DLGAP1: variants seen among roughly 807,000 people sequenced by gnomAD.
The protein encoded by DLGAP1 is disks large-associated protein 1.
In DLGAP1, 11 loss-of-function variants were observed where a neutral mutation model predicts 90.8. That is an observed-to-expected ratio of 0.12 (90% CI 0.08 to 0.20). DLGAP1 has a LOEUF of 0.20. Among genes scored for constraint, DLGAP1 ranks in the 10% least tolerant of loss-of-function variants. The pLI is 1.00. For missense variants in DLGAP1, 1,050 were observed against 1,333.8 expected (o/e 0.79, Z 3.31); for synonymous variants, 558 against 540.7 (o/e 1.03, Z -0.44).
chr18:4,053,392 A>G (rs1012198934), intron 2 of DLGAP1, among the ~76,000 whole-genome samples: 3 of 152,194 alleles, frequency 2.0e-5, no homozygotes, highest in African/African-American at 7.2e-5. Context: ...CACTATCACA[A>G]GAACAGATTG....
intron 2 of DLGAP1, among the ~76,000 whole-genome samples, chr18:4,037,291 T>A (rs1265271074): frequency 6.6e-6 from 1 of 152,166 alleles, no homozygotes; most frequent in Non-Finnish European, 1.5e-5. Context: ...GATAGATGGA[T>A]ATGGAGTCTA....
chr18:3,556,525 T>C (rs2053760846), intron 9 of DLGAP1, among the ~76,000 whole-genome samples: 1 of 152,188 alleles, frequency 6.6e-6, no homozygotes, highest in Admixed American at 6.5e-5. Flanking sequence ...ATTTTTCAGA[T>C]TGGCTTGTTT....
chr18:3,611,029 G>T (rs1206596852), intron 7 of DLGAP1, among the ~76,000 whole-genome samples: 1 of 151,964 alleles, frequency 6.6e-6, no homozygotes, highest in Non-Finnish European at 1.5e-5. Flanking sequence ...GTTACTCAGA[G>T]GCTGAGGCGG....
At chr18:3,850,502 C>T (rs1277235176) in intron 4 of DLGAP1, among the ~76,000 whole-genome samples, 1 of 152,032 alleles carries the variant, frequency 6.6e-6, no homozygotes, top group South Asian at 2.1e-4. Context: ...GAGGACACAC[C>T]TAAAAATATT....
At chr18:3,704,349 T>C (rs1217153903) in intron 7 of DLGAP1, among the ~76,000 whole-genome samples, 1 of 152,146 alleles carries the variant, frequency 6.6e-6, no homozygotes, top group African/African-American at 2.4e-5. Flanking sequence ...GGCAGGTGGA[T>C]TACTTGAGGT....
intron 7 of DLGAP1, among the ~76,000 whole-genome samples, chr18:3,704,197 T>C (rs1009847643): frequency 4.3e-4 from 65 of 152,112 alleles, no homozygotes; most frequent in Admixed American, 1.4e-3. Flanking sequence ...ACCCCAGAGG[T>C]TGGCAAGAAT....
At chr18:4,187,193 G>A (rs1387192885) in intron 1 of DLGAP1, among the ~76,000 whole-genome samples, 4 of 152,068 alleles carry the variant, frequency 2.6e-5, no homozygotes, top group African/African-American at 4.8e-5. Flanking sequence ...CCATTTCATC[G>A]GCAAACAGAG....
At chr18:4,255,416 CTCTA>C (rs1393044498) in intron 1 of DLGAP1, among the ~76,000 whole-genome samples, 2 of 151,704 alleles carry the variant, frequency 1.3e-5, no homozygotes, top group Non-Finnish European at 2.9e-5. Context: ...CTGACTCTCT[CTCTA>C]TGTTACTCTC....
At chr18:4,379,314 C>G (rs1598317636) in intron 1 of DLGAP1, among the ~76,000 whole-genome samples, 1 of 152,082 alleles carries the variant, frequency 6.6e-6, no homozygotes, top group Non-Finnish European at 1.5e-5. Flanking sequence ...TAGCTCTACT[C>G]CCAAGAAAAC....
intron 1 of DLGAP1, among the ~76,000 whole-genome samples, chr18:4,414,799 G>A (rs995264043): frequency 6.6e-6 from 1 of 151,658 alleles, no homozygotes; most frequent in African/African-American, 2.4e-5. Context: ...GTGAGAATAG[G>A]TGGCACCTTC....
chr18:3,870,620 C>CTATT (rs2070690598), intron 4 of DLGAP1, among the ~76,000 whole-genome samples: 1 of 119,784 alleles, frequency 8.3e-6, no homozygotes, highest in Non-Finnish European at 2.1e-5. Flanking sequence ...ATCTATCTAT[C>CTATT]TATCTATCTA....
chr18:3,772,336 CT>C (rs2064644930), intron 5 of DLGAP1, among the ~76,000 whole-genome samples: 1 of 41,102 alleles, frequency 2.4e-5, no homozygotes, highest in East Asian at 4.4e-4. Flanking sequence ...CTCTCCTTCT[CT>C]CTCTCTCTCT....
Position 3,587,203 on chromosome 18 carries a change from C to T in DLGAP1, c.1592-4955G>A, listed in dbSNP as rs568883120. Among the ~76,000 whole-genome samples the T allele has an allele frequency of 3.3e-5, 5 of 152,060 alleles. 1 individual carries two copies. Among genetic ancestry groups the T allele is most frequent in the Non-Finnish European group, 7.4e-5 (5 of 67,962 alleles). On this transcript the variant is annotated intron_variant, in intron 7 of 12. Transcript: ENST00000315677. ...TGGAGTAGGTGGGATTACAGGCCTG[C>T]GCCACCATGCCTGGCTAATTTTTGT...
chr18:4,065,064 C>T (rs2075352265), intron 2 of DLGAP1, among the ~76,000 whole-genome samples: 1 of 152,020 alleles, frequency 6.6e-6, no homozygotes, highest in African/African-American at 2.4e-5. Context: ...ATAAACAGAA[C>T]TAAAGACAAA....
At chr18:4,428,708 G>T (rs1005291831) in intron 1 of DLGAP1, among the ~76,000 whole-genome samples, 11 of 152,216 alleles carry the variant, frequency 7.2e-5, no homozygotes, top group African/African-American at 2.6e-4. Flanking sequence ...GGCAGATGTT[G>T]CCATGCTTCC....
At position 3,924,960 on chromosome 18, in the gene DLGAP1, AT is replaced by A. The variant is rs879491781; in HGVS notation, c.-72-44821del. On this transcript the variant is annotated intron_variant, in intron 3 of 12. Coordinates refer to ENST00000315677, the MANE Select transcript of DLGAP1 (RefSeq NM_004746.4). Reference sequence around the variant, plus strand: ...CTTTATAAAAGTCAGTTTTTGTTGCATTTTTTTTTGGAGACAGAGTCTTGCT... The same window carrying A: ...CTTTATAAAAGTCAGTTTTTGTTGCATTTTTTTTGGAGACAGAGTCTTGCT... Among the ~76,000 whole-genome samples the A allele has an allele frequency of 1.1e-3, 173 of 150,506 alleles. 1 individual carries two copies. Among genetic ancestry groups the A allele is most frequent in the Admixed American group, 0.01 (158 of 15,080 alleles).
chr18:3,866,064 A>G (rs1446213919), intron 4 of DLGAP1, among the ~76,000 whole-genome samples: 1 of 152,148 alleles, frequency 6.6e-6, no homozygotes, highest in Non-Finnish European at 1.5e-5. Flanking sequence ...TCACAGCTGG[A>G]GAAAAGGTAT....
chr18:4,012,680 A>G (rs1599325021), intron 2 of DLGAP1, among the ~76,000 whole-genome samples: 1 of 147,538 alleles, frequency 6.8e-6, no homozygotes, highest in South Asian at 2.1e-4. Context: ...TATTCTATAA[A>G]TTTTCTTTGA....
chr18:4,215,622 T>C (rs550659783), intron 1 of DLGAP1, among the ~76,000 whole-genome samples: 2 of 152,258 alleles, frequency 1.3e-5, no homozygotes. Context: ...GGAAATTTTT[T>C]TCCCCTTTCA....
Sources: gnomAD v4.1 joint callset for allele counts (sites outside exome capture counted in the v4.1 genomes callset) on GRCh38, gnomAD v4.1.1 for gene constraint, MANE v1.5 for transcripts, NCBI Gene and HGNC (gene_info 2026-07-23, HGNC 2026-07-21) for gene names.